The following CCSER2 variants were observed in gnomAD, a reference collection of about 807,000 sequenced individuals.
CCSER2 encodes serine-rich coiled-coil domain-containing protein 2.
CCSER2 carries 46 observed loss-of-function variants against 92.3 expected under a neutral mutation model. That is an observed-to-expected ratio of 0.50 (90% confidence interval 0.39 to 0.64). The LOEUF (loss-of-function observed/expected upper bound fraction) is 0.64, where lower values mean the gene tolerates loss of function less well. CCSER2 is among the 30% of genes least tolerant of loss of function. The pLI is 0.00. For missense variants in CCSER2, 1,244 were observed against 1,238.9 expected (o/e 1.00, Z -0.06); for synonymous variants, 433 against 431.4 (o/e 1.00, Z -0.04).
At chr10:84,507,359 CTACCACCTTCCTCAT>C in intron 9 of CCSER2, 1 of 976,790 alleles carries the variant, frequency 1.0e-6, no homozygotes, top group South Asian at 4.7e-5. Flanking sequence ...GGATTTTTTC[CTACCACCTTCCTCAT>C]AATCACTTTT....
At chr10:84,355,228 G>A (rs746183384) in intron 1 of CCSER2, among the ~76,000 whole-genome samples, 9 of 151,678 alleles carry the variant, frequency 5.9e-5, no homozygotes, top group Non-Finnish European at 1.3e-4. Context: ...AGACTTCTTA[G>A]TATGGCACAT....
intron 9 of CCSER2, among the ~76,000 whole-genome samples, chr10:84,483,997 A>ATATATATATATATATAT (rs1289207905): frequency 1.6e-4 from 12 of 75,494 alleles, no homozygotes; most frequent in Non-Finnish European, 2.8e-4. Context: ...ATATATATAT[A>ATATATATATATATATAT]ATTTTTTTTT....
chr10:84,372,530 T>C, intron 2 of CCSER2, 61 bp downstream of exon 2: 1 of 956,184 alleles, frequency 1.0e-6, no homozygotes, highest in South Asian at 1.8e-5. Context: ...TGAACTTACA[T>C]TTAGGATTAT....
At chr10:84,377,922 T>C (rs1846426688) in intron 3 of CCSER2, among the ~76,000 whole-genome samples, 1 of 152,234 alleles carries the variant, frequency 6.6e-6, no homozygotes, top group Admixed American at 6.5e-5. Context: ...TATTGGACTT[T>C]TCTAATAACC....
chr10:84,451,274 G>GTTT (rs1195724382), intron 6 of CCSER2, among the ~76,000 whole-genome samples: 1 of 119,994 alleles, frequency 8.3e-6, no homozygotes, highest in Non-Finnish European at 1.8e-5. Flanking sequence ...TTTGTTTTTT[G>GTTT]TTTTTTTTTT....
chr10:84,458,890 T>A (rs1472296397), intron 6 of CCSER2, among the ~76,000 whole-genome samples: 1 of 152,206 alleles, frequency 6.6e-6, no homozygotes, highest in Non-Finnish European at 1.5e-5. Flanking sequence ...TGGATTTTGC[T>A]TTATCATAAA....
At chr10:84,468,732 A>G (rs1475192617) in intron 7 of CCSER2, among the ~76,000 whole-genome samples, 1 of 151,116 alleles carries the variant, frequency 6.6e-6, no homozygotes, top group African/African-American at 2.4e-5. Flanking sequence ...AAACTTGTTA[A>G]CTTTCAGATA....
intron 1 of CCSER2, among the ~76,000 whole-genome samples, chr10:84,332,469 T>C (rs2132964176): frequency 7.7e-6 from 1 of 130,666 alleles, no homozygotes; most frequent in Non-Finnish European, 1.6e-5. Flanking sequence ...AGACAGAGTC[T>C]TGCTCTGTTG....
In CCSER2 at chr10:84,514,073, C is replaced by A. The variant is rs186806128; in HGVS notation, c.2950C>A (p.Pro984Thr). 2.6e-6 allele frequency: 4 copies of A among 1,536,234 alleles called. No homozygotes were observed. The highest frequency in any genetic ancestry group is 1.4e-5 in the African/African-American group (1 of 73,100). The change falls in exon 10 of 10, where the codon CCC (proline) becomes ACC (threonine). Residue 984 changes from proline to threonine, a missense_variant. Transcript: ENST00000372088. ...QNLKASKLRP[P>T]SGSFKQKQTN... ...TCTGAAAGCATCTAAGCTCCGCCCC[C>A]CCTCAGGCTCTTTCAAACAAAAACA... is the stretch of plus-strand genomic sequence containing the variant.
chr10:84,425,970 C>CA (rs1186036932), intron 5 of CCSER2, 77 bp downstream of exon 5: 1 of 1,088,248 alleles, frequency 9.2e-7, no homozygotes. Flanking sequence ...CCAGAACCCT[C>CA]AAAAAACCTG....
chr10:84,331,723 A>T (rs996952488), intron 1 of CCSER2, among the ~76,000 whole-genome samples: 2 of 152,244 alleles, frequency 1.3e-5, no homozygotes, highest in African/African-American at 4.8e-5. Flanking sequence ...TTTTTATCTT[A>T]CAAACAATGG....
chr10:84,374,427 G>A (rs35791718), intron 3 of CCSER2, among the ~76,000 whole-genome samples: 8,863 of 152,182 alleles, frequency 0.058, 369 homozygotes, highest in Admixed American at 0.1. Flanking sequence ...TTTGATTTTG[G>A]GGCTTGACCA....
At chr10:84,463,367 C>G (rs1846214120) in intron 6 of CCSER2, among the ~76,000 whole-genome samples, 1 of 152,148 alleles carries the variant, frequency 6.6e-6, no homozygotes, top group Non-Finnish European at 1.5e-5. Flanking sequence ...TAGTCAGTAA[C>G]CCCCTTCCCT....
intron 3 of CCSER2, among the ~76,000 whole-genome samples, chr10:84,395,223 TAAAA>T (rs34500936): frequency 4.6e-5 from 6 of 129,378 alleles, no homozygotes; most frequent in Admixed American, 1.6e-4. Flanking sequence ...GACCCTGTCT[TAAAA>T]AAAAAAAAAA....
rs1256635674 is a variant in CCSER2, at chr10:84,517,795, C to T, written c.*3528C>T. Reference sequence around the variant, plus strand: ...CCTACAGCTGTCACTTCCAAATGTTCCTGTAGCATAAATGGTGTTACAGAC... The same window carrying T: ...CCTACAGCTGTCACTTCCAAATGTTTCTGTAGCATAAATGGTGTTACAGAC... On this transcript the variant is annotated 3_prime_UTR_variant, in exon 10 of 10. Coordinates refer to ENST00000372088, the MANE Select transcript of CCSER2 (RefSeq NM_001284240.2). The T allele has an allele frequency of 6.6e-6, 1 of 152,624 alleles. No individual in the cohort carries two copies. Among genetic ancestry groups the T allele is most frequent in the Admixed American group, 6.5e-5 (1 of 15,278 alleles). 9.5% of individuals were successfully genotyped at this position (152,624 alleles called of 1,614,324 possible). A position where few individuals can be genotyped will look rare whatever the true frequency, so the allele number is the denominator to read the frequency against.
In CCSER2 at chr10:84,349,771, C is replaced by T. The variant is rs540821316; in HGVS notation, c.-40+20963C>T. Among the ~76,000 whole-genome samples the T allele has an allele frequency of 3.3e-5, 5 of 152,330 alleles. No individual in the cohort carries two copies. The South Asian group carries it at 8.3e-4, about 25-fold the overall frequency. On this transcript the variant is annotated intron_variant, in intron 1 of 9. Transcript: ENST00000372088. ...CATTATTTCTCATCTGGACTCCTAC[C>T]GACTTTCCTACCTGATTTTTTCCTG...
intron 9 of CCSER2, among the ~76,000 whole-genome samples, chr10:84,479,905 A>AGAGT (rs919510723): frequency 6.6e-6 from 1 of 152,160 alleles, no homozygotes; most frequent in African/African-American, 2.4e-5. Context: ...GGGAGGACAG[A>AGAGT]GGCTTAATCT....
At chr10:84,450,739 ATAT>A (rs1297935748) in intron 6 of CCSER2, among the ~76,000 whole-genome samples, 1 of 152,224 alleles carries the variant, frequency 6.6e-6, no homozygotes, top group African/African-American at 2.4e-5. Flanking sequence ...GGAAGACCAA[ATAT>A]TATAAATGCT....
At position 84,369,230 on chromosome 10, in the gene CCSER2, G is replaced by T. The variant is rs1413326251; in HGVS notation, c.-39-1784G>T. Reference sequence around the variant, plus strand: ...TCAAATGGTAGATTTAGTTCTTTGAGAAATCTACATACTGTTTCCCATAGA... The same window carrying T: ...TCAAATGGTAGATTTAGTTCTTTGATAAATCTACATACTGTTTCCCATAGA... On this transcript the variant is annotated intron_variant, in intron 1 of 9. Transcript: ENST00000372088. Among the ~76,000 whole-genome samples, 8 of 151,676 alleles carry T rather than the reference G, an allele frequency of 5.3e-5. No homozygotes were observed. In the South Asian group the frequency reaches 1.7e-3, roughly 32 times the overall value.
Sources: gnomAD v4.1 joint callset for allele counts (sites outside exome capture counted in the v4.1 genomes callset) on GRCh38, gnomAD v4.1.1 for gene constraint, MANE v1.5 for transcripts, NCBI Gene and HGNC (gene_info 2026-07-23, HGNC 2026-07-21) for gene names.